SOD1: variants seen among roughly 807,000 people sequenced by gnomAD.
SOD1 encodes the protein superoxide dismutase 1.
A neutral mutation model predicts 15.9 loss-of-function variants in SOD1; 8 were observed. The observed-to-expected ratio is 0.50, with a 90% CI of 0.30 to 0.91. The LOEUF is 0.91. Among genes scored for constraint, SOD1 ranks in the 40% least tolerant of loss-of-function variants. The probability of loss-of-function intolerance (pLI) is 0.07; values close to 1 mark genes in which losing one functional copy is unlikely to be tolerated. For synonymous variants in SOD1, 86 were observed against 71.2 expected, an observed-to-expected ratio of 1.21 and a Z score of -1.04; for missense variants, 137 against 194.5, an observed-to-expected ratio of 0.70 and a Z score of 1.76.
chr21:31,664,194 A>C (rs2049573525), intron 2 of SOD1: 1 of 362,920 alleles, frequency 2.8e-6, no homozygotes, highest in Admixed American at 3.7e-5. Flanking sequence ...GCTGGTCTTG[A>C]ACTGCTGGGC....
chr21:31,663,724 G>T, intron 1 of SOD1, 66 bp from the exon 2 acceptor site: 1 of 1,239,138 alleles, frequency 8.1e-7, no homozygotes, highest in Non-Finnish European at 1.2e-6. Context: ...TCACTGTGAG[G>T]GGTAAAGGTA....
chr21:31,667,714 T>G (rs961537479), intron 4 of SOD1, among the ~76,000 whole-genome samples: 4 of 152,224 alleles, frequency 2.6e-5, no homozygotes, highest in Admixed American at 2.0e-4. Context: ...TTTGTTAAGT[T>G]TAAAACCTGG....
At chr21:31,666,311 C>G in intron 2 of SOD1, 138 bp from the exon 3 acceptor site, 1 of 692,570 alleles carries the variant, frequency 1.4e-6, no homozygotes, top group East Asian at 2.8e-5. Context: ...TGTGGCTGTA[C>G]CAAGGTGTTG....
At chr21:31,663,931 T>A (rs2049570826) in intron 2 of SOD1, 45 bp downstream of exon 2, 1 of 1,425,140 alleles carries the variant, frequency 7.0e-7, no homozygotes, top group Admixed American at 1.7e-5. Flanking sequence ...TTCACCCTAG[T>A]TAGATAAACA....
Position 31,668,907 on chromosome 21 carries a change from T to G in SOD1, c.*329T>G, listed in dbSNP as rs2049625305. On this transcript the variant is annotated 3_prime_UTR_variant, in exon 5 of 5. Transcript: ENST00000270142. Reference sequence around the variant, plus strand: ...TGTATGGCACTTATTATGAGGCTATTAAAAGAATCCAAATTCAAACTAAAT... The same window carrying G: ...TGTATGGCACTTATTATGAGGCTATGAAAAGAATCCAAATTCAAACTAAAT... 1 of 284,560 alleles carries G rather than the reference T, an allele frequency of 3.5e-6. No individual in the cohort carries two copies. Among genetic ancestry groups the G allele is most frequent in the African/African-American group, 2.2e-5 (1 of 45,426 alleles). 17.6% of individuals were successfully genotyped at this position (284,560 alleles called of 1,614,324 possible). A position where few individuals can be genotyped will look rare whatever the true frequency, so the allele number is the denominator to read the frequency against.
At chr21:31,664,728 C>G (rs929491973) in intron 2 of SOD1, among the ~76,000 whole-genome samples, 4 of 152,106 alleles carry the variant, frequency 2.6e-5, no homozygotes, top group African/African-American at 9.7e-5. Context: ...ATGCCATTCT[C>G]CTGCCTCAGC....
chr21:31,662,198 G>A (rs1037245274), intron 1 of SOD1, among the ~76,000 whole-genome samples: 3 of 152,150 alleles, frequency 2.0e-5, no homozygotes, highest in Admixed American at 2.0e-4. Flanking sequence ...GCTGTTTTTG[G>A]CCCTGTGCTC....
At chr21:31,662,871 CG>C (rs1468656543) in intron 1 of SOD1, among the ~76,000 whole-genome samples, 1 of 151,912 alleles carries the variant, frequency 6.6e-6, no homozygotes, top group East Asian at 1.9e-4. Context: ...AAAAATTAGC[CG>C]GGTGTGGTGG....
intron 2 of SOD1, among the ~76,000 whole-genome samples, chr21:31,665,547 C>T (rs1395602449): frequency 6.6e-6 from 1 of 152,072 alleles, no homozygotes; most frequent in Non-Finnish European, 1.5e-5. Flanking sequence ...GGGACTCCTG[C>T]GGGTGAGAGC....
chr21:31,662,347 AATG>A (rs1232028797), intron 1 of SOD1, among the ~76,000 whole-genome samples: 3 of 152,258 alleles, frequency 2.0e-5, no homozygotes, highest in Non-Finnish European at 4.4e-5. Context: ...TCATTTGAGC[AATG>A]ATATTTTCCA....
Position 31,668,739 on chromosome 21 carries a change from G to T in SOD1, c.*161G>T. On this transcript the variant is annotated 3_prime_UTR_variant, in exon 5 of 5. Transcript: ENST00000270142. ...TACCTGTAGTGAGAAACTGATTTAT[G>T]ATCACTTGGAAGATTTGTATAGTTT... 1 of 646,574 alleles carries T rather than the reference G, an allele frequency of 1.5e-6. No homozygotes were observed. Among genetic ancestry groups the T allele is most frequent in the Non-Finnish European group, 2.8e-6 (1 of 358,718 alleles). 40.1% of individuals were successfully genotyped at this position (646,574 alleles called of 1,614,324 possible). A position where few individuals can be genotyped will look rare whatever the true frequency, so the allele number is the denominator to read the frequency against.
At chr21:31,660,491 T>G (rs1162057919) in intron 1 of SOD1, 10 of 152,252 alleles carry the variant, frequency 6.6e-5, no homozygotes. Flanking sequence ...CTGTTCTAGG[T>G]CATGATTGGG....
Position 31,662,147 on chromosome 21 carries a change from C to G in SOD1, c.73-1643C>G, listed in dbSNP as rs1055342406. ...TACCCGAGCACAGCTACTTAGATGT[C>G]CTGAATGTATTACCGGTTAAATGGA... On this transcript the variant is annotated intron_variant, in intron 1 of 4. Coordinates refer to ENST00000270142, the MANE Select transcript of SOD1 (RefSeq NM_000454.5). 5.9e-5 allele frequency among the ~76,000 whole-genome samples: 9 copies of G among 152,260 alleles called. No individual in the cohort carries two copies. In the South Asian group the frequency reaches 6.2e-4, roughly 11 times the overall value.
intron 4 of SOD1, among the ~76,000 whole-genome samples, chr21:31,667,780 G>A (rs1282384706): frequency 6.6e-6 from 1 of 152,168 alleles, no homozygotes. Flanking sequence ...AGGTTATCAT[G>A]ACTTGTTTAA....
intron 1 of SOD1, chr21:31,660,055 C>G: frequency 3.8e-6 from 1 of 265,828 alleles, no homozygotes; most frequent in Non-Finnish European, 6.9e-6. Flanking sequence ...GGGCGTGGGA[C>G]CGAGGCCGCC....
chr21:31,665,853 A>T (rs1335046770), intron 2 of SOD1, among the ~76,000 whole-genome samples: 1 of 152,180 alleles, frequency 6.6e-6, no homozygotes, highest in African/African-American at 2.4e-5. Flanking sequence ...ATGGGATTTT[A>T]ATAATAGAAA....
chr21:31,664,682 G>A (rs12482567), intron 2 of SOD1, among the ~76,000 whole-genome samples: 22 of 152,122 alleles, frequency 1.4e-4, no homozygotes, highest in Middle Eastern at 3.4e-3. Context: ...GCAGTGGCGC[G>A]ATCTCGGCTC....
chr21:31,661,519 A>G (rs915719398), intron 1 of SOD1: 9 of 152,260 alleles, frequency 5.9e-5, no homozygotes, highest in African/African-American at 1.9e-4. Context: ...GCGCGCCGCC[A>G]CGCCTGGCTA....
rs563668113 is a variant in SOD1, at chr21:31,664,221, C to A, written c.169+335C>A. ...CTGCTGGGCTCAAGTGGTCTATCCT[C>A]CTCGACCTCCCAAAGTGCTGGGATT... On this transcript the variant is annotated intron_variant, in intron 2 of 4. Coordinates refer to ENST00000270142, the MANE Select transcript of SOD1 (RefSeq NM_000454.5). The A allele has an allele frequency of 1.2e-5, 4 of 327,946 alleles. No individual in the cohort carries two copies. The Admixed American group carries it at 1.6e-4, about 13-fold the overall frequency. 20.3% of individuals were successfully genotyped at this position (327,946 alleles called of 1,614,324 possible). A position where few individuals can be genotyped will look rare whatever the true frequency, so the allele number is the denominator to read the frequency against.
Sources: gnomAD v4.1 joint callset for allele counts (sites outside exome capture counted in the v4.1 genomes callset) on GRCh38, gnomAD v4.1.1 for gene constraint, MANE v1.5 for transcripts, NCBI Gene and HGNC (gene_info 2026-07-23, HGNC 2026-07-21) for gene names.